The following CNST variants were observed in gnomAD, a reference collection of about 807,000 sequenced individuals.
CNST encodes the protein consortin, connexin sorting protein.
Under a neutral mutation model 72.4 loss-of-function variants are expected in CNST, and 39 were observed. That is an observed-to-expected ratio of 0.54 (90% CI 0.42 to 0.70). CNST has a LOEUF of 0.70. Among genes scored for constraint, CNST ranks in the 30% least tolerant of loss-of-function variants. The pLI is 0.00. For synonymous variants in CNST, 332 were observed against 320.1 expected, an observed-to-expected ratio of 1.04 and a Z score of -0.40; for missense variants, 871 against 868.5, an observed-to-expected ratio of 1.00 and a Z score of -0.04.
At chr1:246,582,125 C>T (rs758393919) in intron 1 of CNST, among the ~76,000 whole-genome samples, 1 of 152,102 alleles carries the variant, frequency 6.6e-6, no homozygotes, top group East Asian at 1.9e-4. Context: ...GATCCATATG[C>T]TAAGAGTTAT....
intron 8 of CNST, among the ~76,000 whole-genome samples, chr1:246,646,338 C>G (rs1372269510): frequency 6.6e-6 from 1 of 150,714 alleles, no homozygotes; most frequent in Non-Finnish European, 1.5e-5. Context: ...GTATTATGGT[C>G]AAATTATAAA....
intron 1 of CNST, 45 bp from the exon 2 acceptor site, chr1:246,591,467 C>G (rs1298490165): frequency 7.5e-7 from 1 of 1,330,058 alleles, no homozygotes; most frequent in Admixed American, 2.1e-5. Flanking sequence ...TGAGAATCTG[C>G]AAAGGTTAGA....
At chr1:246,574,825 CTT>C (rs2103003140) in intron 1 of CNST, among the ~76,000 whole-genome samples, 2 of 152,198 alleles carry the variant, frequency 1.3e-5, no homozygotes, top group East Asian at 1.9e-4. Flanking sequence ...CTAAATCTCT[CTT>C]ATAAGCAGCT....
intron 3 of CNST, 88 bp downstream of exon 3, chr1:246,621,722 C>T (rs2103078313): frequency 8.6e-7 from 1 of 1,162,074 alleles, no homozygotes; most frequent in East Asian, 2.3e-5. Context: ...TGGCTGGGCG[C>T]AGTGGCTCAT....
intron 2 of CNST, among the ~76,000 whole-genome samples, chr1:246,611,711 C>T (rs765249311): frequency 1.4e-4 from 21 of 152,040 alleles, no homozygotes; most frequent in Non-Finnish European, 2.5e-4. Flanking sequence ...CCATTTAATC[C>T]AGCCATTAAC....
chr1:246,617,368 A>G lies in CNST; in HGVS notation c.380-4061A>G, dbSNP rs61852390. Among the ~76,000 whole-genome samples the G allele has an allele frequency of 5.7e-3, 876 of 152,350 alleles. 6 individuals carry two copies. The highest frequency in any genetic ancestry group is 0.014 in the South Asian group (70 of 4,834). ...CTATGACATGAGTCATATAAACTTT[A>G]TTAGCTTTAACTACACTTTCCTCTG... is the stretch of plus-strand genomic sequence containing the variant. On this transcript the variant is annotated intron_variant, in intron 2 of 10. Transcript: ENST00000366513.
At chr1:246,633,197 C>A (rs1214148409) in intron 4 of CNST, among the ~76,000 whole-genome samples, 3 of 152,190 alleles carry the variant, frequency 2.0e-5, no homozygotes, top group Non-Finnish European at 4.4e-5. Context: ...CACCTGTAAT[C>A]CCAGCAATTT....
intron 9 of CNST, among the ~76,000 whole-genome samples, chr1:246,648,905 A>G (rs1232539316): frequency 6.6e-6 from 1 of 152,252 alleles, no homozygotes; most frequent in Non-Finnish European, 1.5e-5. Flanking sequence ...AAAAGTAACA[A>G]AGCCAAAGTA....
Position 246,647,863 on chromosome 1 carries a change from A to T in CNST, c.1662A>T (p.Gly554=). The change falls in exon 9 of 11, where the codon GGA becomes GGT. Residue 554 remains glycine (G), a synonymous_variant. Coordinates refer to ENST00000366513, the MANE Select transcript of CNST (RefSeq NM_152609.3). ...ACTATTTGAACAGCCTTTTAGAAGG[A>T]TGTTTAAAAGATACTGAAGATTCCC... ...TEDYLNSLLE[G]CLKDTEDSLS... The T allele has an allele frequency of 1.2e-6, 2 of 1,614,192 alleles. No homozygotes were observed. The highest frequency in any genetic ancestry group is 1.7e-6 in the Non-Finnish European group (2 of 1,180,040).
chr1:246,610,196 G>T (rs1379146300), intron 2 of CNST, among the ~76,000 whole-genome samples: 1 of 152,164 alleles, frequency 6.6e-6, no homozygotes, highest in Non-Finnish European at 1.5e-5. Flanking sequence ...GCAAAGAATT[G>T]CTTGAACCCA....
At chr1:246,582,080 T>C (rs1353084725) in intron 1 of CNST, among the ~76,000 whole-genome samples, 1 of 152,228 alleles carries the variant, frequency 6.6e-6, no homozygotes, top group Non-Finnish European at 1.5e-5. Context: ...CTTATATGTA[T>C]GTACTCCTTA....
At position 246,631,876 on chromosome 1, in the gene CNST, T is replaced by A; in HGVS notation, c.586-18T>A. On this transcript the variant is annotated intron_variant, in intron 3 of 10. Transcript: ENST00000366513. ...AGTGTTAATTTAATTTTCTCTGTGT[T>A]TTCTTTGTTTTTAACAGATAGCAGA... 2.0e-6 allele frequency: 3 copies of A among 1,480,156 alleles called. No individual in the cohort carries two copies. The highest frequency in any genetic ancestry group is 2.8e-6 in the Non-Finnish European group (3 of 1,066,806). 91.7% of individuals were successfully genotyped at this position (1,480,156 alleles called of 1,614,324 possible).
Position 246,591,654 on chromosome 1 carries a change from G to C in CNST, c.92G>C (p.Cys31Ser), listed in dbSNP as rs142551939. ...PGDSVERSVT[C>S]LPSASDENEN... ...GACAGCGTGGAAAGGAGTGTGACCT[G>C]TCTGCCTTCTGCATCAGATGAAAAT... Residue 31 changes from cysteine to serine, a missense_variant, in exon 2 of 11, where the codon TGT becomes TCT. By Grantham distance (112) the Cys-to-Ser change is moderately radical (BLOSUM62 -1). Coordinates refer to ENST00000366513, the MANE Select transcript of CNST (RefSeq NM_152609.3). 10 of 1,614,224 alleles carry C rather than the reference G, an allele frequency of 6.2e-6. No individual in the cohort carries two copies. The highest frequency in any genetic ancestry group is 1.6e-4 in the Middle Eastern group (1 of 6,062).
chr1:246,610,053 C>T (rs1237378114), intron 2 of CNST, among the ~76,000 whole-genome samples: 6 of 152,116 alleles, frequency 3.9e-5, no homozygotes, highest in African/African-American at 1.2e-4. Flanking sequence ...GAGGCTGAGG[C>T]GGGTGGATCA....
chr1:246,586,394 CAA>C (rs1661202098), intron 1 of CNST, among the ~76,000 whole-genome samples: 1 of 146,634 alleles, frequency 6.8e-6, no homozygotes, highest in African/African-American at 2.5e-5. Flanking sequence ...AAAGATATAT[CAA>C]ATATATAACA....
At chr1:246,634,245 T>C (rs1558575182) in intron 5 of CNST, 7 of 556,192 alleles carry the variant, frequency 1.3e-5, no homozygotes, top group Non-Finnish European at 2.2e-5. Flanking sequence ...TGCAACTATT[T>C]GCATTTTTCC....
At chr1:246,625,081 T>C (rs1664328519) in intron 3 of CNST, among the ~76,000 whole-genome samples, 1 of 152,214 alleles carries the variant, frequency 6.6e-6, no homozygotes, top group Non-Finnish European at 1.5e-5. Flanking sequence ...AAGGATACTC[T>C]CCTACATAAC....
At chr1:246,592,596 T>C (rs1661614877) in intron 2 of CNST, among the ~76,000 whole-genome samples, 1 of 152,340 alleles carries the variant, frequency 6.6e-6, no homozygotes, top group East Asian at 1.9e-4. Flanking sequence ...AATTAGACCA[T>C]TTTCTACCAA....
chr1:246,595,754 A>G (rs1661831048), intron 2 of CNST, among the ~76,000 whole-genome samples: 1 of 151,782 alleles, frequency 6.6e-6, no homozygotes, highest in Non-Finnish European at 1.5e-5. Context: ...AAAAATAAAG[A>G]AAAAAAAGAC....
Sources: allele counts gnomAD v4.1 joint callset (sites outside exome capture counted in the v4.1 genomes callset), GRCh38; gene constraint gnomAD v4.1.1; transcripts MANE v1.5; gene names NCBI Gene and HGNC (gene_info 2026-07-23, HGNC 2026-07-21).